TANC2: variants seen among roughly 807,000 people sequenced by gnomAD.
TANC2 encodes protein TANC2.
TANC2 carries 26 observed loss-of-function variants against 210.5 expected under a neutral mutation model. That is an observed-to-expected ratio of 0.12 (90% confidence interval 0.09 to 0.17). The LOEUF is 0.17. TANC2 is among the 10% of genes least tolerant of loss of function. The probability of loss-of-function intolerance (pLI) is 1.00; values close to 1 mark genes in which losing one functional copy is unlikely to be tolerated. For missense variants in TANC2, 2,129 were observed against 2,608.9 expected, an observed-to-expected ratio of 0.82 and a Z score of 4.01; for synonymous variants, 931 against 967.1, an observed-to-expected ratio of 0.96 and a Z score of 0.69.
At chr17:63,052,160 A>G (rs1383037540) in intron 2 of TANC2, among the ~76,000 whole-genome samples, 1 of 152,172 alleles carries the variant, frequency 6.6e-6, no homozygotes, top group African/African-American at 2.4e-5. Flanking sequence ...TGAAGATTCC[A>G]TTTGTTTAGT....
At chr17:62,970,776 AC>A (rs551341050) in intron 1 of TANC2, among the ~76,000 whole-genome samples, 82 of 152,320 alleles carry the variant, frequency 5.4e-4, no homozygotes, top group Middle Eastern at 3.4e-3. Flanking sequence ...GATTGAACTT[AC>A]CCAGAATCAC....
At chr17:63,404,228 T>C (rs1236062166) in intron 19 of TANC2, among the ~76,000 whole-genome samples, 2 of 152,192 alleles carry the variant, frequency 1.3e-5, no homozygotes, top group Non-Finnish European at 2.9e-5. Context: ...CTTGTGCACC[T>C]GAGAGCCCAT....
chr17:63,264,071 T>A (rs1398004493), intron 8 of TANC2, among the ~76,000 whole-genome samples: 1 of 152,224 alleles, frequency 6.6e-6, no homozygotes. Context: ...TGGCTCCAGA[T>A]CTACCTTATT....
At chr17:63,208,727 T>G (rs2041796780) in intron 7 of TANC2, among the ~76,000 whole-genome samples, 1 of 152,166 alleles carries the variant, frequency 6.6e-6, no homozygotes, top group Non-Finnish European at 1.5e-5. Context: ...TAGGGTCTGG[T>G]ATATCCTTTC....
chr17:63,133,046 T>TCACTGCAACCTCCGCC (rs1442076820), intron 4 of TANC2, among the ~76,000 whole-genome samples: 1 of 152,218 alleles, frequency 6.6e-6, no homozygotes, highest in Non-Finnish European at 1.5e-5. Context: ...CAATCTCGGC[T>TCACTGCAACCTCCGCC]CACTGCAACC....
intron 2 of TANC2, among the ~76,000 whole-genome samples, chr17:63,035,256 A>G (rs1342824727): frequency 1.3e-5 from 2 of 152,238 alleles, no homozygotes; most frequent in Non-Finnish European, 1.5e-5. Flanking sequence ...GAATATTTTT[A>G]AATGAAGTTA....
intron 5 of TANC2, among the ~76,000 whole-genome samples, chr17:63,190,346 G>GA (rs10709454): frequency 2.6e-5 from 4 of 151,242 alleles, no homozygotes; most frequent in African/African-American, 7.3e-5. Context: ...TCCTAGAAAA[G>GA]AAAAAAAAAG....
At chr17:63,305,406 T>C (rs939944681) in intron 9 of TANC2, 2 of 152,308 alleles carry the variant, frequency 1.3e-5, no homozygotes, top group Non-Finnish European at 2.9e-5. Flanking sequence ...ACATAGTCAG[T>C]TCTGATGATG....
intron 5 of TANC2, among the ~76,000 whole-genome samples, chr17:63,168,690 A>G (rs2040298301): frequency 6.6e-6 from 1 of 152,236 alleles, no homozygotes; most frequent in Non-Finnish European, 1.5e-5. Context: ...AGATATGTTA[A>G]AACTGCTTGT....
intron 9 of TANC2, among the ~76,000 whole-genome samples, chr17:63,268,645 A>G (rs1567868154): frequency 6.6e-6 from 1 of 152,178 alleles, no homozygotes; most frequent in Non-Finnish European, 1.5e-5. Flanking sequence ...AGTAACATGC[A>G]ATATTTTATT....
At chr17:63,246,557 G>C (rs1195125299) in intron 8 of TANC2, among the ~76,000 whole-genome samples, 1 of 152,068 alleles carries the variant, frequency 6.6e-6, no homozygotes, top group Non-Finnish European at 1.5e-5. Flanking sequence ...TCACATAAAT[G>C]GAGTCATATG....
chr17:63,319,377 C>T (rs2045422648), intron 11 of TANC2, among the ~76,000 whole-genome samples: 1 of 152,182 alleles, frequency 6.6e-6, no homozygotes, highest in South Asian at 2.1e-4. Flanking sequence ...CGGAGTTTCT[C>T]TCGGTTTCCT....
intron 21 of TANC2, among the ~76,000 whole-genome samples, chr17:63,408,826 C>T (rs982993494): frequency 1.3e-5 from 2 of 152,332 alleles, no homozygotes; most frequent in African/African-American, 4.8e-5. Context: ...AGCCAAGTGT[C>T]CTGGTGCAGT....
At chr17:63,400,800 C>G (rs1262174021) in intron 19 of TANC2, among the ~76,000 whole-genome samples, 1 of 149,314 alleles carries the variant, frequency 6.7e-6, no homozygotes, top group Non-Finnish European at 1.5e-5. Context: ...TGCACCACCA[C>G]ACCTGACTAA....
At chr17:63,066,556 A>G (rs957782633) in intron 2 of TANC2, among the ~76,000 whole-genome samples, 5 of 152,074 alleles carry the variant, frequency 3.3e-5, no homozygotes, top group African/African-American at 1.2e-4. Context: ...AAGGAACTCA[A>G]CACTCAGAAT....
chr17:63,107,869 G>A (rs975678629), intron 4 of TANC2, among the ~76,000 whole-genome samples: 1 of 151,484 alleles, frequency 6.6e-6, no homozygotes, highest in South Asian at 2.1e-4. Context: ...TTCATTTTGG[G>A]GTGATGAAAA....
intron 11 of TANC2, 82 bp downstream of exon 11, chr17:63,319,172 G>A (rs1449410645): frequency 2.1e-6 from 3 of 1,433,318 alleles, no homozygotes; most frequent in Non-Finnish European, 2.8e-6. Context: ...CTTTGGCAAA[G>A]TGAACAAAAA....
At chr17:63,098,817 A>G (rs2037511697) in intron 3 of TANC2, among the ~76,000 whole-genome samples, 1 of 151,978 alleles carries the variant, frequency 6.6e-6, no homozygotes, top group Non-Finnish European at 1.5e-5. Flanking sequence ...ATTGCACACG[A>G]TGGCTTGCTA....
At chr17:63,132,280 A>G (rs1339410008) in intron 4 of TANC2, among the ~76,000 whole-genome samples, 2 of 152,122 alleles carry the variant, frequency 1.3e-5, no homozygotes, top group Non-Finnish European at 1.5e-5. Flanking sequence ...AATGTGATGA[A>G]TAGAGCAATA....
Sources: gnomAD v4.1 joint callset for allele counts (sites outside exome capture counted in the v4.1 genomes callset) on GRCh38, gnomAD v4.1.1 for gene constraint, MANE v1.5 for transcripts, NCBI Gene and HGNC (gene_info 2026-07-23, HGNC 2026-07-21) for gene names.